Variants in HMCN1 observed in about 807,000 individuals in gnomAD.
The protein encoded by HMCN1 is hemicentin 1.
HMCN1 carries 321 observed loss-of-function variants against 625.9 expected under a neutral mutation model. That is an observed-to-expected ratio of 0.51 (90% CI 0.47 to 0.56). The LOEUF is 0.56. Ranked by LOEUF, HMCN1 falls within the 20% of genes least tolerant of loss-of-function variation. HMCN1 has a pLI of 0.00. For missense variants in HMCN1, 6,588 were observed against 6,887.3 expected (o/e 0.96, Z 1.54); for synonymous variants, 2,425 against 2,417.6 (o/e 1.00, Z -0.09).
chr1:185,858,728 G>C (rs1318756256), intron 2 of HMCN1, among the ~76,000 whole-genome samples: 2 of 145,728 alleles, frequency 1.4e-5, no homozygotes, highest in African/African-American at 2.5e-5. Flanking sequence ...TGAGATTACA[G>C]ATATGAGCCA....
intron 1 of HMCN1, among the ~76,000 whole-genome samples, chr1:185,735,286 G>A (rs1226351028): frequency 6.6e-6 from 1 of 152,154 alleles, no homozygotes; most frequent in African/African-American, 2.4e-5. Context: ...CCTCAAACCT[G>A]GAAATGTGGA....
At chr1:185,857,846 G>C (rs1662568219) in intron 2 of HMCN1, among the ~76,000 whole-genome samples, 1 of 152,114 alleles carries the variant, frequency 6.6e-6, no homozygotes, top group Admixed American at 6.5e-5. Flanking sequence ...GATCTAGTAG[G>C]AGGAAATATA....
chr1:186,010,405 G>A (rs1291327894), intron 30 of HMCN1, among the ~76,000 whole-genome samples: 1 of 152,176 alleles, frequency 6.6e-6, no homozygotes, highest in Non-Finnish European at 1.5e-5. Flanking sequence ...TGGATGCTAT[G>A]TTATTACACC....
rs373258236 is a variant in HMCN1 at position 185,911,718 on chromosome 1, A to G, written c.838A>G (p.Ile280Val). The change falls in exon 6 of 107, where the codon ATC becomes GTC. Residue 280 changes from isoleucine to valine, a missense_variant. Transcript: ENST00000271588. ...ATTTGGCCTGCATGAGCTATTAAAT[A>G]TCCATAACTCTGCCAAAGTAGTGAA... ...KGFGLHELLNIHNSAKVVNVK... is the reference protein window; with the variant it reads ...KGFGLHELLNVHNSAKVVNVK... 32 of 1,613,610 alleles carry G rather than the reference A, an allele frequency of 2.0e-5. No individual in the cohort carries two copies. The African/African-American group carries it at 3.9e-4, about 19-fold the overall frequency.
intron 93 of HMCN1, among the ~76,000 whole-genome samples, chr1:186,147,390 C>CTT (rs11287093): frequency 2.2e-5 from 3 of 138,420 alleles, no homozygotes; most frequent in Non-Finnish European, 3.2e-5. Context: ...GGCTTCATGT[C>CTT]TTTTTTTTTT....
rs770438607 is a variant in HMCN1 at position 185,933,693 on chromosome 1, C to A, written c.1697C>A (p.Ala566Glu). ...AGAGATGTCAGACTGGCAGAGCCAG[C>A]GAGAATTAGGACCTTGGCTAATCTG... Reference protein sequence around the residue: ...NDRDVRLAEPARIRTLANLSL... With the variant: ...NDRDVRLAEPERIRTLANLSL... Residue 566 changes from alanine (A) to glutamate (E), a missense_variant, in exon 11 of 107, where the codon GCG becomes GAG. Ala to Glu is a moderately radical substitution (Grantham distance 107, BLOSUM62 -1). Around this residue, in one of 3 missense-constraint regions of HMCN1, gnomAD observed 4,628 missense variants for 4,853.1 expected, o/e 0.95. Coordinates refer to ENST00000271588, the MANE Select transcript of HMCN1 (RefSeq NM_031935.3). 3.1e-6 allele frequency: 5 copies of A among 1,613,950 alleles called. No individual in the cohort carries two copies. Among genetic ancestry groups the A allele is most frequent in the Non-Finnish European group, 3.4e-6 (4 of 1,179,920 alleles).
chr1:185,909,641 G>C (rs1434357057), intron 5 of HMCN1, 133 bp downstream of exon 5: 4 of 805,470 alleles, frequency 5.0e-6, no homozygotes, highest in Non-Finnish European at 8.0e-6. Flanking sequence ...GGCTAAGGAA[G>C]GTGTTTAAAA....
rs1571525677 is a variant in HMCN1 at position 185,898,143 on chromosome 1, T to G, written c.622-11194T>G. On this transcript the variant is annotated intron_variant, in intron 4 of 106. Coordinates refer to ENST00000271588, the MANE Select transcript of HMCN1 (RefSeq NM_031935.3). ...GTGGACCTCCCCCTGTAGAGGGAGCTTTCACCTATGGGCGTAATACAGAGA... is the reference window on the plus strand; with the variant it reads ...GTGGACCTCCCCCTGTAGAGGGAGCGTTCACCTATGGGCGTAATACAGAGA... Among the ~76,000 whole-genome samples, 5 of 152,266 alleles carry G rather than the reference T, an allele frequency of 3.3e-5. No homozygotes were observed. The Middle Eastern group carries it at 0.017, about 518-fold the overall frequency.
chr1:185,854,606 A>G (rs1662350245), intron 2 of HMCN1, among the ~76,000 whole-genome samples: 2 of 152,184 alleles, frequency 1.3e-5, no homozygotes, highest in African/African-American at 4.8e-5. Flanking sequence ...TTCCTTACAT[A>G]AATGTTTAAA....
At chr1:186,014,448 C>A (rs1446670227) in intron 30 of HMCN1, among the ~76,000 whole-genome samples, 1 of 151,842 alleles carries the variant, frequency 6.6e-6, no homozygotes, top group East Asian at 1.9e-4. Context: ...CATACACATG[C>A]CATTTGATTT....
At position 186,087,258 on chromosome 1, in the gene HMCN1, G is replaced by T. The variant is rs908400899; in HGVS notation, c.9088G>T (p.Gly3030Cys). ...LQIIRAKVSDGGEYTCIAINQ... is the reference protein window; with the variant it reads ...LQIIRAKVSDCGEYTCIAINQ... ...GATTATTCGGGCCAAGGTATCAGAT[G>T]GTGGTGAATACACTTGTATAGCTAT... Residue 3030 changes from glycine to cysteine, a missense_variant, in exon 59 of 107, where the codon GGT becomes TGT. By Grantham distance (159) the Gly-to-Cys change is radical (BLOSUM62 -3). This residue lies in a region of HMCN1 where 4,628 missense variants were observed against 4,853.1 expected (regional missense o/e 0.95). Coordinates refer to ENST00000271588, the MANE Select transcript of HMCN1 (RefSeq NM_031935.3). 6.2e-7 allele frequency: 1 copy of T among 1,613,212 alleles called. No homozygotes were observed. The highest frequency in any genetic ancestry group is 1.1e-5 in the South Asian group (1 of 91,066).
intron 4 of HMCN1, among the ~76,000 whole-genome samples, chr1:185,867,880 C>A (rs1305771289): frequency 6.6e-6 from 1 of 151,964 alleles, no homozygotes; most frequent in African/African-American, 2.4e-5. Flanking sequence ...ACCAGCCTGG[C>A]CAACATGGTG....
At chr1:185,909,621 A>C in intron 5 of HMCN1, 113 bp downstream of exon 5, 2 of 927,572 alleles carry the variant, frequency 2.2e-6, no homozygotes, top group Non-Finnish European at 3.4e-6. Flanking sequence ...AATTCAATAA[A>C]TTCAGAAGTG....
chr1:186,082,990 T>C (rs1393780819), intron 57 of HMCN1, 29 bp downstream of exon 57: 1 of 1,354,310 alleles, frequency 7.4e-7, no homozygotes. Context: ...AACCATCTGT[T>C]AGGGTATGCT....
chr1:185,845,468 G>T (rs987874672), intron 1 of HMCN1, among the ~76,000 whole-genome samples: 6 of 152,100 alleles, frequency 3.9e-5, no homozygotes, highest in African/African-American at 1.2e-4. Context: ...TGATCTGCCC[G>T]CCTTGGACTC....
chr1:185,921,149 A>G (rs1446128415), intron 6 of HMCN1, among the ~76,000 whole-genome samples: 1 of 152,208 alleles, frequency 6.6e-6, no homozygotes, highest in East Asian at 1.9e-4. Flanking sequence ...TAAGATCCCT[A>G]CACTTACACA....
At chr1:186,162,477 A>AGGG (rs1651566622) in intron 97 of HMCN1, among the ~76,000 whole-genome samples, 1 of 151,400 alleles carries the variant, frequency 6.6e-6, no homozygotes, top group Non-Finnish European at 1.5e-5. Context: ...GATCCTTTGG[A>AGGG]GGAGAGGTGC....
chr1:185,864,361 T>C (rs575891464), intron 2 of HMCN1, 109 bp from the exon 3 acceptor site: 11 of 1,028,754 alleles, frequency 1.1e-5, no homozygotes, highest in Non-Finnish European at 1.6e-5. Flanking sequence ...TGACAGAAAA[T>C]AAAAAGGAAA....
At position 186,125,555 on chromosome 1, in the gene HMCN1, C is replaced by T. The variant is rs535424355; in HGVS notation, c.12500-49C>T. 2.0e-4 allele frequency: 281 copies of T among 1,381,120 alleles called. 3 individuals are homozygous for T. The South Asian group carries it at 3.1e-3, about 15-fold the overall frequency. 85.6% of individuals were successfully genotyped at this position (1,381,120 alleles called of 1,614,324 possible). ...TGTTAATTTTTATTGTGAATAAAGA[C>T]ATTATTGAACTCAGCTTCCTGGATG... On this transcript the variant is annotated intron_variant, in intron 81 of 106. Coordinates refer to ENST00000271588, the MANE Select transcript of HMCN1 (RefSeq NM_031935.3).
Sources: gnomAD v4.1 joint callset for allele counts (sites outside exome capture counted in the v4.1 genomes callset) on GRCh38, gnomAD v4.1.1 for gene constraint, gnomAD v4.1.1 regional missense constraint, MANE v1.5 for transcripts, NCBI Gene and HGNC (gene_info 2026-07-23, HGNC 2026-07-21) for gene names.